SLU7: variants seen among roughly 807,000 people sequenced by gnomAD.
SLU7 encodes the protein spliceosome associated SLU7, also known as pre-mRNA-splicing factor SLU7.
Under a neutral mutation model 87.0 loss-of-function variants are expected in SLU7, and 60 were observed. The observed-to-expected ratio is 0.69, with a 90% CI of 0.56 to 0.86. The LOEUF is 0.86. Among genes scored for constraint, SLU7 ranks in the 40% least tolerant of loss-of-function variants. The probability of loss-of-function intolerance (pLI) is 0.00; values close to 1 mark genes in which losing one functional copy is unlikely to be tolerated. For missense variants in SLU7, 507 were observed against 686.6 expected, an observed-to-expected ratio of 0.74 and a Z score of 2.92; for synonymous variants, 197 against 222.0, an observed-to-expected ratio of 0.89 and a Z score of 1.00.
intron 6 of SLU7, among the ~76,000 whole-genome samples, chr5:160,411,224 TTGATTGAC>T (rs1265568901): frequency 2.6e-5 from 4 of 151,924 alleles, no homozygotes; most frequent in Admixed American, 6.6e-5. Flanking sequence ...GATTTTGTTA[TTGATTGAC>T]TGATTGACTG....
intron 3 of SLU7, 41 bp from the exon 4 acceptor site, chr5:160,414,020 CG>C (rs765844913): frequency 1.6e-6 from 2 of 1,224,530 alleles, no homozygotes; most frequent in East Asian, 2.6e-5. Flanking sequence ...GTCTTAACCA[CG>C]TAAGTTAGAA....
intron 1 of SLU7, among the ~76,000 whole-genome samples, chr5:160,418,067 A>C (rs1765533067): frequency 6.6e-6 from 1 of 152,312 alleles, no homozygotes; most frequent in East Asian, 1.9e-4. Flanking sequence ...GGGGTCTACG[A>C]TGCTTCTCAA....
At chr5:160,409,533 T>G (rs554033162) in intron 6 of SLU7, among the ~76,000 whole-genome samples, 10 of 152,198 alleles carry the variant, frequency 6.6e-5, no homozygotes, top group South Asian at 6.2e-4. Context: ...CTAAGTGATA[T>G]GTCATAAAAA....
At chr5:160,408,163 A>C (rs1765083875) in intron 8 of SLU7, 95 bp from the exon 9 acceptor site, 4 of 1,151,984 alleles carry the variant, frequency 3.5e-6, no homozygotes, top group Non-Finnish European at 5.1e-6. Context: ...CAATTAAATA[A>C]ATGTGTGTAT....
Position 160,406,478 on chromosome 5 carries a change from TG to T in SLU7, c.1276del (p.His426ThrfsTer46), listed in dbSNP as rs1387909418. ...CSKYEEDVKI[H>X]NHTHIWGSYW... Reference sequence around the variant, plus strand: ...CAGTTTAGCACATACTGTGTGATTGTGGATCTTCACATCCTCCTCATACTTA... The same window carrying T: ...CAGTTTAGCACATACTGTGTGATTGTGATCTTCACATCCTCCTCATACTTA... On this transcript the variant is annotated frameshift_variant, in exon 12 of 16. Coordinates refer to ENST00000297151, the MANE Select transcript of SLU7 (RefSeq NM_006425.5). LOFTEE classifies it high-confidence loss of function. The T allele has an allele frequency of 1.2e-5, 20 of 1,609,032 alleles. No homozygotes were observed. Among genetic ancestry groups the T allele is most frequent in the Non-Finnish European group, 1.7e-5 (20 of 1,178,360 alleles).
intron 6 of SLU7, among the ~76,000 whole-genome samples, chr5:160,411,886 TAAAG>T (rs1362546101): frequency 1.3e-5 from 2 of 152,188 alleles, no homozygotes; most frequent in Admixed American, 6.5e-5. Flanking sequence ...CAGAAAATAC[TAAAG>T]AAATAGAAAG....
chr5:160,415,371 C>CA, intron 1 of SLU7, 61 bp from the exon 2 acceptor site: 2 of 1,206,604 alleles, frequency 1.7e-6, no homozygotes, highest in South Asian at 1.7e-5. Flanking sequence ...CTCAAACTAC[C>CA]AAAAATACAT....
At position 160,419,072 on chromosome 5, in the gene SLU7, A is replaced by G. The variant is rs1329409845; in HGVS notation, c.-66T>C. 1.3e-5 allele frequency: 2 copies of G among 152,232 alleles called. No homozygotes were observed. The highest frequency in any genetic ancestry group is 2.9e-5 in the Non-Finnish European group (2 of 68,070). The allele number at this position is 152,232 out of a possible 1,614,324, so 9.4% of individuals were successfully genotyped here. A position where few individuals can be genotyped will look rare whatever the true frequency, so the allele number is the denominator to read the frequency against. Reference sequence around the variant, plus strand: ...AGTCCATCCGACAGAATCCAAGCCAATCTCGTAATGTTTACTTCCGGCTTT... The same window carrying G: ...AGTCCATCCGACAGAATCCAAGCCAGTCTCGTAATGTTTACTTCCGGCTTT... On this transcript the variant is annotated 5_prime_UTR_variant, in exon 1 of 16. Transcript: ENST00000297151.
chr5:160,406,371 A>G (rs1765012741), intron 12 of SLU7, 97 bp downstream of exon 12: 10 of 921,310 alleles, frequency 1.1e-5, no homozygotes, highest in Non-Finnish European at 1.5e-5. Context: ...TTTAAAGCAT[A>G]GAGAATACAA....
chr5:160,408,791 A>G lies in SLU7; in HGVS notation c.640-94T>C, dbSNP rs930268765. On this transcript the variant is annotated intron_variant, in intron 6 of 15. Coordinates refer to ENST00000297151, the MANE Select transcript of SLU7 (RefSeq NM_006425.5). Reference sequence around the variant, plus strand: ...GATAATAAAGTATTATTATCTTATTATAAATAATATATTTATATAATAAAA... The same window carrying G: ...GATAATAAAGTATTATTATCTTATTGTAAATAATATATTTATATAATAAAA... 32 of 224,822 alleles carry G rather than the reference A, an allele frequency of 1.4e-4. No homozygotes were observed. The Admixed American group carries it at 1.6e-3, about 11-fold the overall frequency. The allele number at this position is 224,822 out of a possible 1,614,324, so 13.9% of individuals were successfully genotyped here. A position where few individuals can be genotyped will look rare whatever the true frequency, so the allele number is the denominator to read the frequency against.
rs1419177902 is a variant in SLU7 at position 160,415,253 on chromosome 5, TA to T, written c.41del (p.Leu14HisfsTer7). 2.5e-6 allele frequency: 4 copies of T among 1,611,232 alleles called. No individual in the cohort carries two copies. The highest frequency in any genetic ancestry group is 3.4e-6 in the Non-Finnish European group (4 of 1,178,964). On this transcript the variant is annotated frameshift_variant, in exon 2 of 16. Coordinates refer to ENST00000297151, the MANE Select transcript of SLU7 (RefSeq NM_006425.5). LOFTEE classifies it high-confidence loss of function. ...CCAAACTCATTTCTTTGGACCCCGA[TA>T]GGGGTGCAGCATTAACTGCATCTAC... ...TVVDAVNAAP[L>X]SGSKEMSLEE...
Position 160,408,010 on chromosome 5 carries a change from C to T in SLU7, c.878G>A (p.Arg293Lys). The T allele has an allele frequency of 6.2e-7, 1 of 1,613,280 alleles. No individual in the cohort carries two copies. The highest frequency in any genetic ancestry group is 2.2e-5 in the East Asian group (1 of 44,790). The change falls in exon 9 of 16, where the codon AGA becomes AAA. Residue 293 changes from arginine (R) to lysine (K), a missense_variant. Physicochemically the swap from Arg to Lys is conservative, Grantham distance 26. Transcript: ENST00000297151. ...TCCTGCATTGGCATAAGGATTCTCT[C>T]TCATTGCTCTAGTTTTTGGATCATA... ...AYYDPKTRAM[R>K]ENPYANAGKN... is the part of the protein sequence containing the mutation.
Position 160,403,405 on chromosome 5 carries a change from C to G in SLU7, c.1641G>C (p.Glu547Asp). Residue 547 changes from glutamate to aspartate, a missense_variant, in exon 16 of 16, where the codon GAG becomes GAC. Physicochemically the swap from Glu to Asp is conservative, Grantham distance 45 (BLOSUM62 2). This residue lies in a region of SLU7 where 201 missense variants were observed against 213.4 expected (regional missense o/e 0.94). Transcript: ENST00000297151. ...LHVKETMQID[E>D]RKRPYNSMYE... ...ACATGCTATTGTAAGGCCGCTTCCT[C>G]TCATCAATCTGCATGGTCTCCTTGA... is the stretch of plus-strand genomic sequence containing the variant. The G allele has an allele frequency of 2.5e-6, 4 of 1,613,350 alleles. No homozygotes were observed. The highest frequency in any genetic ancestry group is 3.4e-6 in the Non-Finnish European group (4 of 1,179,754).
chr5:160,406,422 G>A (rs1232046174), intron 12 of SLU7, 46 bp downstream of exon 12: 2 of 1,493,634 alleles, frequency 1.3e-6, no homozygotes, highest in South Asian at 2.6e-5. Context: ...ATGCAATACA[G>A]AGCAAAACCA....
intron 3 of SLU7, 116 bp downstream of exon 3, chr5:160,414,203 C>A: frequency 1.2e-6 from 1 of 849,726 alleles, no homozygotes; most frequent in Non-Finnish European, 1.8e-6. Context: ...AATTTCAATA[C>A]CAGATAAAGG....
chr5:160,407,686 A>C lies in SLU7; in HGVS notation c.985+60T>G. The C allele has an allele frequency of 1.2e-6, 2 of 1,602,438 alleles. No homozygotes were observed. The highest frequency in any genetic ancestry group is 1.7e-6 in the Non-Finnish European group (2 of 1,174,570). On this transcript the variant is annotated intron_variant, in intron 10 of 15. Transcript: ENST00000297151. This position sits in a 1 kb window ranked among gnomAD's most constrained non-coding sequence, Gnocchi z 4.2. ...GTATGCTTCTTGAAAACAAGCTTTA[A>C]ACAATCCCAAACGTCTTATGAGCTG...
chr5:160,407,916 GA>G lies in SLU7; in HGVS notation c.917+54del. 1 of 1,494,958 alleles carries G rather than the reference GA, an allele frequency of 6.7e-7. No individual in the cohort carries two copies. Among genetic ancestry groups the G allele is most frequent in the Non-Finnish European group, 9.3e-7 (1 of 1,072,822 alleles). 92.6% of individuals were successfully genotyped at this position (1,494,958 alleles called of 1,614,324 possible). On this transcript the variant is annotated intron_variant, in intron 9 of 15. Coordinates refer to ENST00000297151, the MANE Select transcript of SLU7 (RefSeq NM_006425.5). This position sits in a 1 kb window ranked among gnomAD's most constrained non-coding sequence, Gnocchi z 4.2. ...ATGAACACCATCTATGGTCAGGTCA[GA>G]AAACAATTAACTTTCTCTCATCTTA...
At position 160,407,905 on chromosome 5, in the gene SLU7, TG is replaced by T; in HGVS notation, c.917+65del. 6.8e-7 allele frequency: 1 copy of T among 1,461,504 alleles called. No homozygotes were observed. Among genetic ancestry groups the T allele is most frequent in the Non-Finnish European group, 9.6e-7 (1 of 1,042,200 alleles). The allele number at this position is 1,461,504 out of a possible 1,614,324, so 90.5% of individuals were successfully genotyped here. A position where few individuals can be genotyped will look rare whatever the true frequency, so the allele number is the denominator to read the frequency against. On this transcript the variant is annotated intron_variant, in intron 9 of 15. Transcript: ENST00000297151. This position sits in a 1 kb window ranked among gnomAD's most constrained non-coding sequence, Gnocchi z 4.2. ...TCTGAATTAAAATGAACACCATCTA[TG>T]GTCAGGTCAGAAAACAATTAACTTT...
At chr5:160,404,210 C>T (rs934514390) in intron 15 of SLU7, among the ~76,000 whole-genome samples, 6 of 152,094 alleles carry the variant, frequency 3.9e-5, no homozygotes, top group Non-Finnish European at 7.4e-5. Context: ...TAAAAAAATA[C>T]AGAAATTAGC....
Sources: allele counts gnomAD v4.1 joint callset (sites outside exome capture counted in the v4.1 genomes callset), GRCh38; gene constraint gnomAD v4.1.1; regional missense constraint gnomAD v4.1.1; non-coding constraint Gnocchi (gnomAD v3.1); transcripts MANE v1.5; gene names NCBI Gene and HGNC (gene_info 2026-07-23, HGNC 2026-07-21).